Variants in PCLO observed in about 807,000 individuals in gnomAD.
The protein encoded by PCLO is piccolo presynaptic cytomatrix protein.
In PCLO, 82 loss-of-function variants were observed where a neutral mutation model predicts 427.5. The observed-to-expected ratio is 0.19, with a 90% CI of 0.16 to 0.23. The LOEUF (loss-of-function observed/expected upper bound fraction) is 0.23, where lower values mean the gene tolerates loss of function less well. PCLO is among the 10% of genes least tolerant of loss of function. The pLI, the probability that PCLO is intolerant of heterozygous loss-of-function variation, is 1.00. For synonymous variants in PCLO, 2,357 were observed against 2,155.4 expected (o/e 1.09, Z -2.59); for missense variants, 6,239 against 6,115.9 (o/e 1.02, Z -0.67).
intron 6 of PCLO, among the ~76,000 whole-genome samples, chr7:82,920,832 G>A (rs1019716534): frequency 6.6e-6 from 1 of 151,630 alleles, no homozygotes; most frequent in African/African-American, 2.4e-5. Context: ...AGCTCAACAT[G>A]AGGATGAGAA....
intron 3 of PCLO, among the ~76,000 whole-genome samples, chr7:83,054,347 C>G (rs1789326311): frequency 6.6e-6 from 1 of 151,930 alleles, no homozygotes; most frequent in African/African-American, 2.4e-5. Context: ...TCCAACCAGC[C>G]CTGAAAGATA....
intron 17 of PCLO, 52 bp from the exon 18 acceptor site, chr7:82,826,712 T>A (rs1289619134): frequency 1.9e-5 from 21 of 1,132,666 alleles, no homozygotes; most frequent in Non-Finnish European, 2.7e-5. Context: ...ATCATACATT[T>A]TCATTACACA....
chr7:82,874,674 A>C (rs1793326448), intron 10 of PCLO, among the ~76,000 whole-genome samples: 2 of 152,198 alleles, frequency 1.3e-5, no homozygotes, highest in Non-Finnish European at 2.9e-5. Context: ...TATTGTTTTA[A>C]GTCTATTAGG....
chr7:83,131,291 A>C (rs1018013664), intron 3 of PCLO, among the ~76,000 whole-genome samples: 1 of 152,152 alleles, frequency 6.6e-6, no homozygotes. Context: ...GCTTAGGTTG[A>C]GGTCTGGCTG....
At position 83,162,623 on chromosome 7, in the gene PCLO, C is replaced by A. The variant is rs1429030466; in HGVS notation, c.-31G>T. The A allele has an allele frequency of 6.7e-7, 1 of 1,502,846 alleles. No individual in the cohort carries two copies. The highest frequency in any genetic ancestry group is 1.4e-5 in the African/African-American group (1 of 72,074). 93.1% of individuals were successfully genotyped at this position (1,502,846 alleles called of 1,614,324 possible). A position where few individuals can be genotyped will look rare whatever the true frequency, so the allele number is the denominator to read the frequency against. On this transcript the variant is annotated 5_prime_UTR_variant, in exon 1 of 25. Transcript: ENST00000333891. ...AGGGAGACTCGGGGCCGCCGCGCTCCCTCCTCGCGCCGCGTCCCAGTCGAG... is the reference window on the plus strand; with the variant it reads ...AGGGAGACTCGGGGCCGCCGCGCTCACTCCTCGCGCCGCGTCCCAGTCGAG...
chr7:83,026,050 C>T (rs924939566), intron 3 of PCLO, among the ~76,000 whole-genome samples: 20 of 151,608 alleles, frequency 1.3e-4, no homozygotes, highest in East Asian at 3.9e-4. Flanking sequence ...CATCAACTAA[C>T]GAGCAAAATC....
rs565790940 is a variant in PCLO, at chr7:83,033,743, C to T, written c.3301-67256G>A. On this transcript the variant is annotated intron_variant, in intron 3 of 24. Transcript: ENST00000333891. ...CTTAGACATATATTAGTTTGTACTA[C>T]TTGTACCACTTTGTACTACTCTTTA... Among the ~76,000 whole-genome samples, 3 of 152,238 alleles carry T rather than the reference C, an allele frequency of 2.0e-5. No individual in the cohort carries two copies. The South Asian group carries it at 6.2e-4, about 32-fold the overall frequency.
At chr7:82,809,502 A>G (rs954925496) in intron 20 of PCLO, among the ~76,000 whole-genome samples, 2 of 151,678 alleles carry the variant, frequency 1.3e-5, no homozygotes, top group Admixed American at 6.6e-5. Flanking sequence ...CTTGTAGCAC[A>G]TACTCTGTCG....
intron 3 of PCLO, among the ~76,000 whole-genome samples, chr7:83,131,627 T>C (rs551184846): frequency 6.6e-6 from 1 of 152,266 alleles, no homozygotes; most frequent in Non-Finnish European, 1.5e-5. Context: ...TTGAATCTTT[T>C]CTTGAGGGAA....
chr7:82,795,483 T>C (rs1304479204), intron 22 of PCLO, among the ~76,000 whole-genome samples: 1 of 152,140 alleles, frequency 6.6e-6, no homozygotes, highest in Non-Finnish European at 1.5e-5. Flanking sequence ...CCAATTAAGA[T>C]AGTCTTATGA....
At chr7:83,132,089 T>A (rs564729599) in intron 3 of PCLO, among the ~76,000 whole-genome samples, 1 of 152,172 alleles carries the variant, frequency 6.6e-6, no homozygotes, top group African/African-American at 2.4e-5. Flanking sequence ...CCTGAACATG[T>A]AATAACTCAG....
chr7:82,802,690 T>G (rs751312572), intron 21 of PCLO, among the ~76,000 whole-genome samples: 1 of 152,166 alleles, frequency 6.6e-6, no homozygotes, highest in Non-Finnish European at 1.5e-5. Context: ...TCTAGCATAG[T>G]GGGATTTACT....
At chr7:82,919,517 CAT>C (rs1237809196) in intron 6 of PCLO, among the ~76,000 whole-genome samples, 1 of 151,846 alleles carries the variant, frequency 6.6e-6, no homozygotes, top group Non-Finnish European at 1.5e-5. Flanking sequence ...GGTTTTAAAA[CAT>C]AGTTCAGCTC....
intron 3 of PCLO, among the ~76,000 whole-genome samples, chr7:83,124,173 C>T (rs1234079430): frequency 4.6e-5 from 7 of 150,984 alleles, no homozygotes; most frequent in South Asian, 2.1e-4. Context: ...AAAAATTAGC[C>T]GGGTGCAGTG....
In PCLO at chr7:83,064,408, A is replaced by G. The variant is rs190186484; in HGVS notation, c.3300+69842T>C. 4.6e-5 allele frequency among the ~76,000 whole-genome samples: 7 copies of G among 152,138 alleles called. No individual in the cohort carries two copies. In the East Asian group the frequency reaches 1.4e-3, roughly 29 times the overall value. ...AACAACAGATAGGACAAAGCAGGGA[A>G]CACTTTAAATGGCAGGCTATGGATT... On this transcript the variant is annotated intron_variant, in intron 3 of 24. Coordinates refer to ENST00000333891, the MANE Select transcript of PCLO (RefSeq NM_033026.6).
At chr7:82,779,388 A>T (rs991738873) in intron 22 of PCLO, among the ~76,000 whole-genome samples, 8 of 152,128 alleles carry the variant, frequency 5.3e-5, no homozygotes, top group African/African-American at 1.9e-4. Flanking sequence ...CCAACTTTAG[A>T]TGCATTTTCT....
chr7:82,812,645 GA>G (rs1433737749), intron 20 of PCLO, among the ~76,000 whole-genome samples: 1 of 151,432 alleles, frequency 6.6e-6, no homozygotes, highest in Non-Finnish European at 1.5e-5. Flanking sequence ...AATGAAAAAA[GA>G]ATGTATCCAG....
chr7:82,819,114 A>G (rs1207270354), intron 20 of PCLO, among the ~76,000 whole-genome samples: 1 of 152,210 alleles, frequency 6.6e-6, no homozygotes, highest in Non-Finnish European at 1.5e-5. Flanking sequence ...ATATACATGG[A>G]TCAATTATAT....
chr7:82,810,859 T>C (rs532542124), intron 20 of PCLO, among the ~76,000 whole-genome samples: 2 of 151,822 alleles, frequency 1.3e-5, no homozygotes, highest in Admixed American at 6.6e-5. Flanking sequence ...GGCAGCACTT[T>C]GCTCTGAGAG....
Sources: gnomAD v4.1 joint callset for allele counts (sites outside exome capture counted in the v4.1 genomes callset) on GRCh38, gnomAD v4.1.1 for gene constraint, MANE v1.5 for transcripts, NCBI Gene and HGNC (gene_info 2026-07-23, HGNC 2026-07-21) for gene names.